ANXA8: variants seen among roughly 807,000 people sequenced by gnomAD.
The protein encoded by ANXA8 is annexin A8.
A neutral mutation model predicts 26.8 loss-of-function variants in ANXA8; 9 were observed. The observed-to-expected ratio is 0.34, with a 90% confidence interval of 0.20 to 0.59. The LOEUF (loss-of-function observed/expected upper bound fraction) is 0.59. Ranked by LOEUF, ANXA8 falls within the 20% of genes least tolerant of loss-of-function variation. The pLI, the probability that ANXA8 is intolerant of heterozygous loss-of-function variation, is 0.84. For synonymous variants in ANXA8, 39 were observed against 94.8 expected, an observed-to-expected ratio of 0.41 and a Z score of 3.42; for missense variants, 83 against 238.5, an observed-to-expected ratio of 0.35 and a Z score of 4.29.
the ANXA8 span, among the ~76,000 whole-genome samples, chr10:47,508,070 T>A: frequency 7.5e-6 from 1 of 133,998 alleles, no homozygotes; most frequent in Non-Finnish European, 1.6e-5. Flanking sequence ...AATTTTTTTT[T>A]TGGGGGGGTG....
the ANXA8 span, among the ~76,000 whole-genome samples, chr10:47,748,168 A>T: frequency 6.6e-6 from 1 of 151,596 alleles, no homozygotes. Context: ...CCCAAGCAGG[A>T]TAAATAAAAA....
the ANXA8 span, among the ~76,000 whole-genome samples, chr10:47,946,400 A>G: frequency 6.6e-6 from 1 of 150,658 alleles, no homozygotes; most frequent in Non-Finnish European, 1.5e-5. Flanking sequence ...CTGAGGTCAC[A>G]TCTCTGAGGG....
chr10:47,929,051 C>A, the ANXA8 span, among the ~76,000 whole-genome samples: 13 of 133,598 alleles, frequency 9.7e-5, no homozygotes, highest in Admixed American at 7.9e-5. Context: ...CCAGGCTGGT[C>A]TTGAACTCCT....
chr10:47,617,774 A>G, the ANXA8 span, among the ~76,000 whole-genome samples: 6 of 146,408 alleles, frequency 4.1e-5, no homozygotes, highest in Admixed American at 1.3e-4. Flanking sequence ...TGACTTTTCA[A>G]TGCAAATGCC....
the ANXA8 span, among the ~76,000 whole-genome samples, chr10:47,938,947 G>A: frequency 4.9e-5 from 7 of 141,962 alleles, no homozygotes; most frequent in African/African-American, 1.4e-4. Flanking sequence ...TGCAGCGAAG[G>A]CCCCCATTAG....
At chr10:47,528,213 GGGA>G in the ANXA8 span, among the ~76,000 whole-genome samples, 7 of 140,256 alleles carry the variant, frequency 5.0e-5, no homozygotes, top group Non-Finnish European at 7.7e-5. Context: ...CTGATTAGCT[GGGA>G]CTACAGGCAC....
At chr10:47,489,005 G>A (rs1239414354), upstream of ANXA8, among the ~76,000 whole-genome samples, 8 of 145,694 alleles carry the variant, frequency 5.5e-5, no homozygotes, top group Admixed American at 1.4e-4. Context: ...GTGAGCCACC[G>A]CCCCCAGCAA....
the ANXA8 span, chr10:47,510,036 C>T: frequency 1.4e-6 from 2 of 1,474,070 alleles, no homozygotes; most frequent in African/African-American, 1.5e-5. Flanking sequence ...GAAACTGATA[C>T]TTAATATTCA....
At chr10:47,918,393 G>GA in the ANXA8 span, among the ~76,000 whole-genome samples, 1 of 20,914 alleles carries the variant, frequency 4.8e-5, no homozygotes, top group Non-Finnish European at 8.6e-5. Context: ...GAGAAAGAAA[G>GA]AAAGAAAGAA....
rs1460216968 is a variant in ANXA8, at chr10:47,481,963, A to G, written c.21+1950T>C. ...CTGTGACAGGCACAGGGGAGCTGCC[A>G]CGCCTTGGCCTTCCCCTGCTACGTG... On this transcript the variant is annotated intron_variant, in intron 1 of 11. Coordinates refer to ENST00000585281, the MANE Select transcript of ANXA8 (RefSeq NM_001040084.3). Among the ~76,000 whole-genome samples, 27 of 143,354 alleles carry G rather than the reference A, an allele frequency of 1.9e-4. 1 individual carries two copies. The highest frequency in any genetic ancestry group is 6.6e-4 in the African/African-American group (26 of 39,322). The allele number at this position is 143,354 out of a possible 152,430, so 94.0% of individuals were successfully genotyped here.
At chr10:47,541,350 CAA>C in the ANXA8 span, among the ~76,000 whole-genome samples, 2 of 139,890 alleles carry the variant, frequency 1.4e-5, 1 homozygote, top group African/African-American at 5.4e-5. Context: ...AAAACAAAAA[CAA>C]AAACAAAGAA....
the ANXA8 span, among the ~76,000 whole-genome samples, chr10:47,909,036 T>C: frequency 1.3e-5 from 1 of 78,280 alleles, no homozygotes; most frequent in Non-Finnish European, 2.6e-5. Flanking sequence ...CACACACGAC[T>C]AATATTGCAA....
the ANXA8 span, among the ~76,000 whole-genome samples, chr10:47,585,263 CAAAAAAAAAAAAA>C: frequency 2.3e-5 from 1 of 43,588 alleles, no homozygotes; most frequent in African/African-American, 1.6e-4. Context: ...GACTCCATCT[CAAAAAAAAAAAAA>C]AAAAAAAAAA....
At chr10:47,959,050 G>T in the ANXA8 span, among the ~76,000 whole-genome samples, 791 of 141,894 alleles carry the variant, frequency 5.6e-3, 2 homozygotes, top group African/African-American at 0.024. Context: ...CGGGGGATGA[G>T]CCCATCTGAA....
rs1289730569 is a variant in ANXA8 at position 47,472,481 on chromosome 10, AG to A, written c.743-291del. ...GAAGACACCAGCTCAAGCCCATCCA[AG>A]GGCAGCTCAGACTCAGGACAGGCCC... On this transcript the variant is annotated intron_variant, in intron 9 of 11. Coordinates refer to ENST00000585281, the MANE Select transcript of ANXA8 (RefSeq NM_001040084.3). Among the ~76,000 whole-genome samples, 9 of 114,034 alleles carry A rather than the reference AG, an allele frequency of 7.9e-5. No homozygotes were observed. In the Admixed American group the frequency reaches 8.2e-4, roughly 10 times the overall value. The allele number at this position is 114,034 out of a possible 152,430, so 74.8% of individuals were successfully genotyped here. A position where few individuals can be genotyped will look rare whatever the true frequency, so the allele number is the denominator to read the frequency against.
chr10:47,711,088 G>C, the ANXA8 span, among the ~76,000 whole-genome samples: 1 of 148,892 alleles, frequency 6.7e-6, no homozygotes, highest in Non-Finnish European at 1.5e-5. Context: ...ATGATTATAA[G>C]GCAGATGTCA....
chr10:47,483,857 G>A (rs1197851941), intron 1 of ANXA8, 56 bp downstream of exon 1: 2 of 1,611,408 alleles, frequency 1.2e-6, no homozygotes, highest in East Asian at 2.2e-5. Context: ...GGACTCCCTG[G>A]TGACCAGCAC....
chr10:47,956,585 G>A, the ANXA8 span, among the ~76,000 whole-genome samples: 12 of 149,986 alleles, frequency 8.0e-5, 1 homozygote, highest in African/African-American at 3.0e-4. Context: ...TCTTCCATTG[G>A]CCATTTTCTT....
chr10:47,896,918 T>G, the ANXA8 span, among the ~76,000 whole-genome samples: 12 of 150,738 alleles, frequency 8.0e-5, no homozygotes, highest in Non-Finnish European at 1.8e-4. Context: ...ATTTATTTAT[T>G]TATTTATTTA....
Sources: allele counts gnomAD v4.1 joint callset (sites outside exome capture counted in the v4.1 genomes callset), GRCh38; gene constraint gnomAD v4.1.1; transcripts MANE v1.5; gene names NCBI Gene and HGNC (gene_info 2026-07-23, HGNC 2026-07-21).